MGST1: variants seen among roughly 807,000 people sequenced by gnomAD.
The protein encoded by MGST1 is glutathione S-transferase 12.
MGST1 carries 5 observed loss-of-function variants against 8.9 expected under a neutral mutation model. The ratio of observed to expected loss-of-function variants is 0.56; its 90% CI spans 0.29 to 1.19. The LOEUF (loss-of-function observed/expected upper bound fraction) is 1.19, where lower values mean the gene tolerates loss of function less well. Among genes scored for constraint, MGST1 ranks in the 50% most tolerant of loss-of-function variants. MGST1 has a pLI of 0.08. For synonymous variants in MGST1, 54 were observed against 67.8 expected (o/e 0.80, Z 1.00); for missense variants, 182 against 187.4 (o/e 0.97, Z 0.17).
At chr12:16,536,123 TGAG>T (rs1941755983) in intron 4 of MGST1, among the ~76,000 whole-genome samples, 1 of 125,152 alleles carries the variant, frequency 8.0e-6, no homozygotes, top group Admixed American at 8.2e-5. Flanking sequence ...GTGTGTCAGG[TGAG>T]GAGGAGTAGG....
At chr12:16,396,042 G>C (rs183301047) in intron 1 of MGST1, among the ~76,000 whole-genome samples, 3 of 152,110 alleles carry the variant, frequency 2.0e-5, no homozygotes, top group Admixed American at 2.0e-4. Flanking sequence ...GTTTTCCATA[G>C]TGTTTGTACT....
intron 4 of MGST1, among the ~76,000 whole-genome samples, chr12:16,536,882 G>A (rs1176753058): frequency 1.3e-5 from 2 of 152,202 alleles, no homozygotes; most frequent in East Asian, 1.9e-4. Flanking sequence ...TGAGATTTGG[G>A]TGGGGACACA....
chr12:16,441,803 C>T (rs550947869), downstream of MGST1, among the ~76,000 whole-genome samples: 2 of 151,788 alleles, frequency 1.3e-5, no homozygotes, highest in African/African-American at 4.8e-5. Flanking sequence ...TTAAACACAT[C>T]CATATGCAAG....
At chr12:16,511,398 C>T (rs1941576751) in intron 4 of MGST1, among the ~76,000 whole-genome samples, 1 of 152,244 alleles carries the variant, frequency 6.6e-6, no homozygotes. Context: ...CTTTCTCCAT[C>T]TAGCCTCCTC....
chr12:16,378,484 C>T (rs1940414704), downstream of MGST1, among the ~76,000 whole-genome samples: 1 of 152,074 alleles, frequency 6.6e-6, no homozygotes, highest in African/African-American at 2.4e-5. Context: ...TCTGAGGGCT[C>T]TGTTCTGTTC....
chr12:16,576,327 C>T lies in MGST1; in HGVS notation n.483-13201C>T, dbSNP rs143975873. ...CTTCTATCCCATCACTGAGCCTCAG[C>T]CCCAATGTGCTGTCTACTCCCTGGA... On this transcript the variant is annotated intron_variant and non_coding_transcript_variant, in intron 4 of 4. Coordinates refer to the MGST1 transcript ENST00000538857. The surrounding 1 kb of genome is among the most constrained non-coding windows in gnomAD (Gnocchi z 4.1). Among the ~76,000 whole-genome samples the T allele has an allele frequency of 8.2e-3, 1,243 of 152,260 alleles. 8 individuals are homozygous for T. The highest frequency in any genetic ancestry group is 0.013 in the Non-Finnish European group (879 of 68,012).
chr12:16,470,554 T>C (rs1941284324), intron 4 of MGST1, among the ~76,000 whole-genome samples: 1 of 152,190 alleles, frequency 6.6e-6, no homozygotes, highest in South Asian at 2.1e-4. Context: ...TGTGTTGTGT[T>C]GATCCCCATC....
intron 4 of MGST1, among the ~76,000 whole-genome samples, chr12:16,574,321 G>C (rs1036469145): frequency 2.0e-5 from 3 of 152,016 alleles, no homozygotes; most frequent in Admixed American, 6.6e-5. Context: ...CAACGAAAAC[G>C]CCTGTCTCTC....
rs1017951271 is a variant in MGST1, at chr12:16,375,925, T to C, written c.222-197T>C. Among the ~76,000 whole-genome samples the C allele has an allele frequency of 1.3e-4, 19 of 151,996 alleles. No homozygotes were observed. The East Asian group carries it at 3.3e-3, about 26-fold the overall frequency. ...AGGACTCTAGACTAAATGAATACGC[T>C]CCCATGCCAATAAATTTCAAGATGT... On this transcript the variant is annotated intron_variant, in intron 3 of 3. Transcript: ENST00000535309.
chr12:16,471,482 T>G (rs1941289272), intron 4 of MGST1, among the ~76,000 whole-genome samples: 1 of 152,224 alleles, frequency 6.6e-6, no homozygotes, highest in Non-Finnish European at 1.5e-5. Context: ...TCTATGGTAT[T>G]TCTATAGAGG....
In MGST1 at chr12:16,559,073, T is replaced by G. The variant is rs771272672; in HGVS notation, n.483-30455T>G. ...TATTCTACAGGGTCTCATAAGAAGA[T>G]TCTGCATCAAATAGTACCTTTCAGA... On this transcript the variant is annotated intron_variant and non_coding_transcript_variant, in intron 4 of 4. Transcript: ENST00000538857. This position sits in a 1 kb window ranked among gnomAD's most constrained non-coding sequence, Gnocchi z 4.1. 6.6e-6 allele frequency among the ~76,000 whole-genome samples: 1 copy of G among 152,192 alleles called. No homozygotes were observed. Among genetic ancestry groups the G allele is most frequent in the Non-Finnish European group, 1.5e-5 (1 of 68,012 alleles).
At chr12:16,427,130 A>G (rs1454681094) in intron 1 of MGST1, among the ~76,000 whole-genome samples, 1 of 152,192 alleles carries the variant, frequency 6.6e-6, no homozygotes, top group Non-Finnish European at 1.5e-5. Flanking sequence ...ACTTTAAACA[A>G]TTGTTTACAT....
Position 16,399,228 on chromosome 12 carries a change from A to G in MGST1, n.778+15624A>G, listed in dbSNP as rs1940631796. 12 of 1,490,840 alleles carry G rather than the reference A, an allele frequency of 8.0e-6. No individual in the cohort carries two copies. The South Asian group carries it at 1.3e-4, about 16-fold the overall frequency. The allele number at this position is 1,490,840 out of a possible 1,614,324, so 92.4% of individuals were successfully genotyped here. ...AGTTTCTATGTCATGTAAAATTTTCAGGGTTTGGCTAGAGGAAGAAAGGAG... is the reference window on the plus strand; with the variant it reads ...AGTTTCTATGTCATGTAAAATTTTCGGGGTTTGGCTAGAGGAAGAAAGGAG... On this transcript the variant is annotated intron_variant and non_coding_transcript_variant, in intron 1 of 1. Transcript: ENST00000359720.
intron 4 of MGST1, among the ~76,000 whole-genome samples, chr12:16,480,332 AG>A (rs1941356354): frequency 6.6e-6 from 1 of 151,762 alleles, no homozygotes; most frequent in Admixed American, 6.6e-5. Flanking sequence ...TAGTAGAGAC[AG>A]GGTTTCACCA....
At chr12:16,395,305 A>G (rs1224626007) in intron 1 of MGST1, among the ~76,000 whole-genome samples, 1 of 152,126 alleles carries the variant, frequency 6.6e-6, no homozygotes, top group Non-Finnish European at 1.5e-5. Context: ...TGAAGTATCC[A>G]TATATGTCCG....
intron 4 of MGST1, among the ~76,000 whole-genome samples, chr12:16,536,088 T>C (rs913930391): frequency 6.9e-6 from 1 of 145,680 alleles, no homozygotes; most frequent in Admixed American, 6.9e-5. Flanking sequence ...TGTGAGTGTG[T>C]GTGTGTGTGT....
intron 4 of MGST1, among the ~76,000 whole-genome samples, chr12:16,463,334 A>G (rs1941233329): frequency 6.6e-6 from 1 of 151,382 alleles, no homozygotes; most frequent in Non-Finnish European, 1.5e-5. Flanking sequence ...ACAGGTGTGC[A>G]CAACCATGTC....
chr12:16,361,369 C>T lies in MGST1; in HGVS notation c.222-2426C>T, dbSNP rs1939988764. Among the ~76,000 whole-genome samples, 1 of 152,094 alleles carries T rather than the reference C, an allele frequency of 6.6e-6. No individual in the cohort carries two copies. Among genetic ancestry groups the T allele is most frequent in the Non-Finnish European group, 1.5e-5 (1 of 68,020 alleles). ...AGGCGTGGCTGTGGCCTCAAGAGCA[C>T]AGAGATGGTGGGAAGGTCCGTCACA... On this transcript the variant is annotated intron_variant, in intron 3 of 3. Transcript: ENST00000396210. The surrounding 1 kb of genome is among the most constrained non-coding windows in gnomAD (Gnocchi z 4.2).
At chr12:16,466,760 A>G (rs574488650) in intron 4 of MGST1, among the ~76,000 whole-genome samples, 2 of 152,260 alleles carry the variant, frequency 1.3e-5, no homozygotes, top group South Asian at 4.1e-4. Flanking sequence ...TTAACTCTCT[A>G]TTTTCTTTCT....
Sources: gnomAD v4.1 joint callset for allele counts (sites outside exome capture counted in the v4.1 genomes callset) on GRCh38, gnomAD v4.1.1 for gene constraint, Gnocchi (gnomAD v3.1) non-coding constraint, MANE v1.5 for transcripts, NCBI Gene and HGNC (gene_info 2026-07-23, HGNC 2026-07-21) for gene names.